Variants in PIGP observed in about 807,000 individuals in gnomAD.
The protein encoded by PIGP is phosphatidylinositol N-acetylglucosaminyltransferase subunit P.
Under a neutral mutation model 16.9 loss-of-function variants are expected in PIGP, and 12 were observed. The ratio of observed to expected loss-of-function variants is 0.71; its 90% confidence interval spans 0.46 to 1.15. The LOEUF (loss-of-function observed/expected upper bound fraction) is 1.15. Among genes scored for constraint, PIGP ranks in the 50% most tolerant of loss-of-function variants. The probability of loss-of-function intolerance (pLI) is 0.00; values close to 1 mark genes in which losing one functional copy is unlikely to be tolerated. For synonymous variants in PIGP, 57 were observed against 54.7 expected (o/e 1.04, Z -0.18); for missense variants, 159 against 153.5 (o/e 1.04, Z -0.19).
At chr21:37,072,714 C>A (rs536585360) in intron 1 of PIGP, 177 bp from the exon 2 acceptor site, 3 of 989,582 alleles carry the variant, frequency 3.0e-6, no homozygotes, top group South Asian at 1.5e-5. Context: ...CTGGCGCGCG[C>A]CCCGCAACAG....
intron 4 of PIGP, among the ~76,000 whole-genome samples, chr21:37,066,616 TA>T (rs2069907563): frequency 6.6e-6 from 1 of 152,234 alleles, no homozygotes; most frequent in African/African-American, 2.4e-5. Flanking sequence ...GTGGCTCTTT[TA>T]TCCACTTAAT....
At position 37,072,584 on chromosome 21, in the gene PIGP, C is replaced by T. The variant is rs1028647852; in HGVS notation, c.-22-47G>A. 1.7e-5 allele frequency: 27 copies of T among 1,613,812 alleles called. No homozygotes were observed. The highest frequency in any genetic ancestry group is 2.0e-5 in the Non-Finnish European group (24 of 1,179,910). Reference sequence around the variant, plus strand: ...AGCGTCAGCGATGTGCTCCGTGGCACCATTGATCCATTCTCGCCTCCTCGC... The same window carrying T: ...AGCGTCAGCGATGTGCTCCGTGGCATCATTGATCCATTCTCGCCTCCTCGC... On this transcript the variant is annotated intron_variant, in intron 1 of 4. Transcript: ENST00000360525.
At chr21:37,066,105 AT>A (rs1441952313) in intron 4 of PIGP, among the ~76,000 whole-genome samples, 1 of 151,598 alleles carries the variant, frequency 6.6e-6, no homozygotes, top group African/African-American at 2.4e-5. Context: ...TAAAAAATAA[AT>A]AAATAAATAA....
intron 3 of PIGP, among the ~76,000 whole-genome samples, chr21:37,068,511 A>C (rs2069945571): frequency 6.6e-6 from 1 of 151,644 alleles, no homozygotes; most frequent in Non-Finnish European, 1.5e-5. Flanking sequence ...TTCCTGCATT[A>C]TCTCTATTTC....
chr21:37,067,124 A>C (rs965197494), intron 4 of PIGP, 138 bp downstream of exon 4: 2 of 626,736 alleles, frequency 3.2e-6, no homozygotes, highest in Non-Finnish European at 5.8e-6. Flanking sequence ...CTCCTGCCTC[A>C]GCCTCCCAAG....
intron 2 of PIGP, among the ~76,000 whole-genome samples, chr21:37,070,291 T>C (rs1351397513): frequency 6.6e-6 from 1 of 152,200 alleles, no homozygotes; most frequent in Non-Finnish European, 1.5e-5. Context: ...GCGGCAAAGA[T>C]AAATTTTAAC....
chr21:37,066,770 G>A (rs929653647), intron 4 of PIGP, among the ~76,000 whole-genome samples: 1 of 152,082 alleles, frequency 6.6e-6, no homozygotes, highest in African/African-American at 2.4e-5. Flanking sequence ...AAGTTAATGG[G>A]AACATATTAT....
chr21:37,071,887 G>A (rs1174174954), intron 2 of PIGP, among the ~76,000 whole-genome samples: 1 of 152,142 alleles, frequency 6.6e-6, no homozygotes, highest in African/African-American at 2.4e-5. Context: ...CTTTCAACCC[G>A]ACTTCTCTGG....
chr21:37,066,407 GACACTTAA>G (rs1274121510), intron 4 of PIGP, among the ~76,000 whole-genome samples: 2 of 152,170 alleles, frequency 1.3e-5, no homozygotes, highest in East Asian at 3.8e-4. Flanking sequence ...GTATTAGAAA[GACACTTAA>G]AAATAATAGA....
intron 2 of PIGP, chr21:37,072,039 AG>A: frequency 1.3e-6 from 1 of 770,168 alleles, no homozygotes. Context: ...CATCAGTGCC[AG>A]GGGGAAAGGC....
Position 37,067,383 on chromosome 21 carries a change from GC to G in PIGP, c.156-4del. 1 of 1,495,832 alleles carries G rather than the reference GC, an allele frequency of 6.7e-7. No homozygotes were observed. Among genetic ancestry groups the G allele is most frequent in the Non-Finnish European group, 9.3e-7 (1 of 1,073,040 alleles). The allele number at this position is 1,495,832 out of a possible 1,614,324, so 92.7% of individuals were successfully genotyped here. A position where few individuals can be genotyped will look rare whatever the true frequency, so the allele number is the denominator to read the frequency against. ...CAGGTAATGCAACTGCCCAATATCTGCCAAAGAGAATATTAAAGTACATAAT... is the reference window on the plus strand; with the variant it reads ...CAGGTAATGCAACTGCCCAATATCTGCAAAGAGAATATTAAAGTACATAAT... On this transcript the variant is annotated splice_polypyrimidine_tract_variant and splice_region_variant and intron_variant, in intron 3 of 4. Coordinates refer to ENST00000360525, the MANE Select transcript of PIGP (RefSeq NM_153682.3).
chr21:37,071,478 A>T (rs2070026062), intron 2 of PIGP, among the ~76,000 whole-genome samples: 1 of 152,186 alleles, frequency 6.6e-6, no homozygotes, highest in African/African-American at 2.4e-5. Flanking sequence ...AGGCTCAAAA[A>T]ATTTGCTGAG....
intron 2 of PIGP, among the ~76,000 whole-genome samples, chr21:37,071,146 T>C (rs2069998690): frequency 6.6e-6 from 1 of 152,246 alleles, no homozygotes; most frequent in Non-Finnish European, 1.5e-5. Flanking sequence ...TTTACAAAAG[T>C]GCTAACAATA....
chr21:37,066,987 T>A (rs1424873975), intron 4 of PIGP, among the ~76,000 whole-genome samples: 27 of 108,852 alleles, frequency 2.5e-4, no homozygotes, highest in African/African-American at 9.8e-4. Flanking sequence ...TGTGTGTGTG[T>A]GTGTGTGTGT....
intron 2 of PIGP, among the ~76,000 whole-genome samples, chr21:37,071,309 T>A (rs2070009579): frequency 6.6e-6 from 1 of 152,208 alleles, no homozygotes; most frequent in South Asian, 2.1e-4. Flanking sequence ...TAGAAGGCTT[T>A]TATTTAGTAG....
intron 4 of PIGP, among the ~76,000 whole-genome samples, chr21:37,066,481 A>G (rs541299956): frequency 1.3e-5 from 2 of 152,374 alleles, no homozygotes; most frequent in South Asian, 4.1e-4. Flanking sequence ...GAAAAGTTGA[A>G]AAATCATACC....
Position 37,072,634 on chromosome 21 carries a change from G to T in PIGP, c.-22-97C>A, listed in dbSNP as rs754711581. ...CTCCGCCGCGGGTACGGCCCCCGCC[G>T]CGCAGAACCGCCTCCCGCGCCTCCG... On this transcript the variant is annotated intron_variant, in intron 1 of 4. Coordinates refer to ENST00000360525, the MANE Select transcript of PIGP (RefSeq NM_153682.3). 1.9e-6 allele frequency: 3 copies of T among 1,592,420 alleles called. No individual in the cohort carries two copies. In the African/African-American group the frequency reaches 4.0e-5, roughly 21 times the overall value.
At chr21:37,070,035 G>A (rs920382630) in intron 2 of PIGP, among the ~76,000 whole-genome samples, 1 of 152,114 alleles carries the variant, frequency 6.6e-6, no homozygotes, top group East Asian at 1.9e-4. Flanking sequence ...ACCACATACT[G>A]AGCTTCTGCC....
intron 2 of PIGP, 119 bp downstream of exon 2, chr21:37,072,315 A>G: frequency 6.3e-7 from 1 of 1,599,424 alleles, no homozygotes; most frequent in Non-Finnish European, 8.5e-7. Context: ...GATTTTCTTA[A>G]AAAGAGACAT....
Sources: gnomAD v4.1 joint callset for allele counts (sites outside exome capture counted in the v4.1 genomes callset) on GRCh38, gnomAD v4.1.1 for gene constraint, MANE v1.5 for transcripts, NCBI Gene and HGNC (gene_info 2026-07-23, HGNC 2026-07-21) for gene names.